The following RBM33 variants were observed in gnomAD, a reference collection of about 807,000 sequenced individuals.
RBM33 encodes the protein RNA-binding protein 33.
Under a neutral mutation model 132.6 loss-of-function variants are expected in RBM33, and 28 were observed. The ratio of observed to expected loss-of-function variants is 0.21; its 90% CI spans 0.16 to 0.29. RBM33 has a LOEUF of 0.29. Among genes scored for constraint, RBM33 ranks in the 10% least tolerant of loss-of-function variants. The probability of loss-of-function intolerance (pLI) is 1.00; values close to 1 mark genes in which losing one functional copy is unlikely to be tolerated. For synonymous variants in RBM33, 634 were observed against 593.0 expected (o/e 1.07, Z -1.01); for missense variants, 1,291 against 1,518.5 (o/e 0.85, Z 2.49).
In RBM33 at chr7:155,644,830, C is replaced by T. The variant is rs1249085372; in HGVS notation, c.-47C>T. The stretch of plus-strand genomic sequence containing the variant: ...GGCCCGGACCAGGCACGTCGGCCCA[C>T]CAGCTGGCTTGGTGGGGGAGGCTGA... On this transcript the variant is annotated 5_prime_UTR_variant, in exon 1 of 18. Transcript: ENST00000401878. 1.4e-6 allele frequency: 2 copies of T among 1,446,656 alleles called. No homozygotes were observed. The allele number at this position is 1,446,656 out of a possible 1,614,324, so 89.6% of individuals were successfully genotyped here. A position where few individuals can be genotyped will look rare whatever the true frequency, so the allele number is the denominator to read the frequency against.
chr7:155,668,575 G>T (rs936420892), intron 2 of RBM33, among the ~76,000 whole-genome samples: 1 of 152,154 alleles, frequency 6.6e-6, no homozygotes, highest in African/African-American at 2.4e-5. Context: ...ACTTTGCGTG[G>T]TGATACCTCT....
intron 14 of RBM33, among the ~76,000 whole-genome samples, chr7:155,757,020 A>T (rs1801873627): frequency 6.6e-6 from 1 of 152,224 alleles, no homozygotes; most frequent in South Asian, 2.1e-4. Context: ...TTGTAGTGTC[A>T]ACCACAGTAT....
At chr7:155,694,978 G>T (rs992031559) in intron 5 of RBM33, among the ~76,000 whole-genome samples, 2 of 152,120 alleles carry the variant, frequency 1.3e-5, no homozygotes, top group Non-Finnish European at 2.9e-5. Flanking sequence ...ACCACTATTG[G>T]TTTTCCAAAG....
rs1340526586 is a variant in RBM33 at position 155,644,699 on chromosome 7, T to C, written c.-178T>C. The C allele has an allele frequency of 2.1e-6, 1 of 475,530 alleles. No individual in the cohort carries two copies. Among genetic ancestry groups the C allele is most frequent in the East Asian group, 3.6e-5 (1 of 27,976 alleles). 29.5% of individuals were successfully genotyped at this position (475,530 alleles called of 1,614,324 possible). A position where few individuals can be genotyped will look rare whatever the true frequency, so the allele number is the denominator to read the frequency against. ...CGGCCATGTTGCGGTAGTTTGTTGT[T>C]TTCTTCCTGCGGAGGCGAAGGGCCA... On this transcript the variant is annotated 5_prime_UTR_variant, in exon 1 of 18. Transcript: ENST00000401878.
chr7:155,666,144 T>C (rs528819015), intron 2 of RBM33, among the ~76,000 whole-genome samples: 1 of 152,330 alleles, frequency 6.6e-6, no homozygotes, highest in South Asian at 2.1e-4. Flanking sequence ...TATGAAGGAC[T>C]GGCTCACGTG....
At chr7:155,770,696 G>A (rs890887099) in intron 16 of RBM33, among the ~76,000 whole-genome samples, 2 of 148,656 alleles carry the variant, frequency 1.3e-5, no homozygotes, top group African/African-American at 5.0e-5. Flanking sequence ...AGAATCAGTT[G>A]TAATCCTGTA....
intron 1 of RBM33, among the ~76,000 whole-genome samples, chr7:155,649,104 C>T (rs1470959654): frequency 1.3e-5 from 2 of 152,068 alleles, no homozygotes; most frequent in East Asian, 3.9e-4. Context: ...ACTTTGTTTT[C>T]TCCTTCTGGG....
chr7:155,676,823 C>T (rs73167114), intron 3 of RBM33, among the ~76,000 whole-genome samples: 9,778 of 152,284 alleles, frequency 0.064, 431 homozygotes, highest in Non-Finnish European at 0.097. Flanking sequence ...TTATCACCTC[C>T]TGTGTCTGTT....
Position 155,732,882 on chromosome 7 carries a change from A to G in RBM33, c.1261-4648A>G, listed in dbSNP as rs540286237. On this transcript the variant is annotated intron_variant, in intron 9 of 17. Transcript: ENST00000401878. Reference sequence around the variant, plus strand: ...GAAAAACTGCTGATTGACACTGATGAGCCAGTTAAAATAAAACAAAAGCTT... The same window carrying G: ...GAAAAACTGCTGATTGACACTGATGGGCCAGTTAAAATAAAACAAAAGCTT... 2.3e-3 allele frequency among the ~76,000 whole-genome samples: 352 copies of G among 152,280 alleles called. 1 individual carries two copies. Among genetic ancestry groups the G allele is most frequent in the African/African-American group, 7.7e-3 (321 of 41,542 alleles).
intron 6 of RBM33, among the ~76,000 whole-genome samples, chr7:155,706,526 T>C (rs1000228530): frequency 6.6e-6 from 1 of 152,104 alleles, no homozygotes; most frequent in African/African-American, 2.4e-5. Context: ...CAAAATGCCT[T>C]GTCGTGTGAG....
intron 5 of RBM33, among the ~76,000 whole-genome samples, chr7:155,686,493 ATTATAT>A (rs1799481731): frequency 6.6e-6 from 1 of 151,082 alleles, no homozygotes; most frequent in Non-Finnish European, 1.5e-5. Flanking sequence ...TTTTTTTTAA[ATTATAT>A]TTTAAGTTCT....
intron 15 of RBM33, among the ~76,000 whole-genome samples, chr7:155,765,660 G>A (rs948571860): frequency 6.6e-6 from 1 of 152,160 alleles, no homozygotes; most frequent in Non-Finnish European, 1.5e-5. Flanking sequence ...GCGCTTCACC[G>A]CTGTCCTAGG....
intron 5 of RBM33, 77 bp downstream of exon 5, chr7:155,680,985 A>G (rs1010554782): frequency 7.5e-6 from 9 of 1,194,470 alleles, no homozygotes; most frequent in Non-Finnish European, 1.1e-5. Flanking sequence ...TTTGAAATCT[A>G]TTTACCTCCC....
At position 155,718,463 on chromosome 7, in the gene RBM33, TCTC is replaced by T. The variant is rs756415581; in HGVS notation, c.1260+23_1260+25del. The T allele has an allele frequency of 5.0e-6, 8 of 1,604,786 alleles. No individual in the cohort carries two copies. The highest frequency in any genetic ancestry group is 6.8e-6 in the Non-Finnish European group (8 of 1,171,686). On this transcript the variant is annotated intron_variant, in intron 9 of 17. Transcript: ENST00000401878. The stretch of plus-strand genomic sequence containing the variant: ...TTCCCAGTGAGTAGCAGCTGCTCCT[TCTC>T]CTTTGATAGGGATGAGCATACATTT...
In RBM33 at chr7:155,738,048, G is replaced by T. The variant is rs1280831835; in HGVS notation, c.1394-12G>T. On this transcript the variant is annotated splice_polypyrimidine_tract_variant and intron_variant, in intron 10 of 17. Coordinates refer to ENST00000401878, the MANE Select transcript of RBM33 (RefSeq NM_053043.3). ...TTTAACCTGAAGTTAATGATGTTGT[G>T]TTACCTTTCAGTTTCAGGTGAACCA... 6.2e-7 allele frequency: 1 copy of T among 1,606,630 alleles called. No individual in the cohort carries two copies. Among genetic ancestry groups the T allele is most frequent in the East Asian group, 2.2e-5 (1 of 44,842 alleles).
At chr7:155,734,899 C>CTT (rs1801064232) in intron 9 of RBM33, among the ~76,000 whole-genome samples, 2 of 140,120 alleles carry the variant, frequency 1.4e-5, no homozygotes, top group Admixed American at 1.4e-4. Flanking sequence ...ATCATTTAAA[C>CTT]ATTTTTTTGA....
At chr7:155,649,611 C>G (rs896913566) in intron 1 of RBM33, among the ~76,000 whole-genome samples, 1 of 152,088 alleles carries the variant, frequency 6.6e-6, no homozygotes, top group Non-Finnish European at 1.5e-5. Context: ...GAATGTCCCC[C>G]CCCTTTTCTG....
chr7:155,668,603 T>C (rs1274324724), intron 2 of RBM33, among the ~76,000 whole-genome samples: 2 of 152,162 alleles, frequency 1.3e-5, no homozygotes, highest in African/African-American at 4.8e-5. Context: ...CTGTTACCTG[T>C]AGTACTAGTA....
intron 9 of RBM33, among the ~76,000 whole-genome samples, 177 bp from the exon 10 acceptor site, chr7:155,737,353 C>CTGTGTGTGTGTGTGTGTGTGTGTG (rs59512454): frequency 7.0e-6 from 1 of 142,842 alleles, no homozygotes; most frequent in African/African-American, 2.7e-5. Flanking sequence ...ATGCATGACT[C>CTGTGTGTGTGTGTGTGTGTGTGTG]TGTGTGTGTG....
Sources: allele counts gnomAD v4.1 joint callset (sites outside exome capture counted in the v4.1 genomes callset), GRCh38; gene constraint gnomAD v4.1.1; transcripts MANE v1.5; gene names NCBI Gene and HGNC (gene_info 2026-07-23, HGNC 2026-07-21).